POLR2H: variants seen among roughly 807,000 people sequenced by gnomAD.
POLR2H encodes the protein RNA polymerase II, I and III subunit H, also known as DNA-directed RNA polymerases I, II, and III subunit RPABC3.
POLR2H carries 3 observed loss-of-function variants against 18.1 expected under a neutral mutation model. The ratio of observed to expected loss-of-function variants is 0.17; its 90% CI spans 0.08 to 0.43. The LOEUF (loss-of-function observed/expected upper bound fraction) is 0.43. POLR2H is among the 20% of genes least tolerant of loss of function. The pLI is 0.99. For missense variants in POLR2H, 103 were observed against 184.6 expected (o/e 0.56, Z 2.56); for synonymous variants, 76 against 69.0 (o/e 1.10, Z -0.50).
intron 4 of POLR2H, among the ~76,000 whole-genome samples, chr3:184,366,298 T>C (rs535077721): frequency 6.0e-4 from 92 of 152,070 alleles, no homozygotes; most frequent in African/African-American, 2.2e-3. Flanking sequence ...GTTTGTAATG[T>C]GCCTGTTGTT....
intron 4 of POLR2H, 174 bp downstream of exon 4, chr3:184,365,400 C>A: frequency 1.6e-6 from 1 of 621,246 alleles, no homozygotes; most frequent in East Asian, 2.7e-5. Flanking sequence ...GTGGCTCACA[C>A]CTGTAACCCA....
At position 184,363,242 on chromosome 3, in the gene POLR2H, G is replaced by C. The variant is rs1712563664; in HGVS notation, c.-251G>C. The C allele has an allele frequency of 5.4e-6, 3 of 560,340 alleles. No homozygotes were observed. The Admixed American group carries it at 8.5e-5, about 16-fold the overall frequency. The allele number at this position is 560,340 out of a possible 1,614,324, so 34.7% of individuals were successfully genotyped here. A position where few individuals can be genotyped will look rare whatever the true frequency, so the allele number is the denominator to read the frequency against. ...CCTGGGCAGAGCCACCTGGACATGA[G>C]ACCCGCCCTCAATGCCGAAGCCTCT... On this transcript the variant is annotated 5_prime_UTR_variant, in exon 2 of 6. Transcript: ENST00000456318.
rs1713705531 is a variant in POLR2H, at chr3:184,368,375, C to T, written c.*81C>T. The T allele has an allele frequency of 8.2e-7, 1 of 1,224,350 alleles. No homozygotes were observed. Among genetic ancestry groups the T allele is most frequent in the Non-Finnish European group, 1.1e-6 (1 of 879,360 alleles). The allele number at this position is 1,224,350 out of a possible 1,614,324, so 75.8% of individuals were successfully genotyped here. A position where few individuals can be genotyped will look rare whatever the true frequency, so the allele number is the denominator to read the frequency against. ...AGCCTGAGTGGCAGCCGCTCTTGCT[C>T]ACCTGTTGAGGAAGGGCTGGCTCAC... On this transcript the variant is annotated 3_prime_UTR_variant, in exon 6 of 6. Transcript: ENST00000456318.
At position 184,363,224 on chromosome 3, in the gene POLR2H, AG is replaced by A; in HGVS notation, c.-268del. 1.9e-6 allele frequency: 1 copy of A among 527,984 alleles called. No homozygotes were observed. The highest frequency in any genetic ancestry group is 3.4e-6 in the Non-Finnish European group (1 of 290,024). The allele number at this position is 527,984 out of a possible 1,614,324, so 32.7% of individuals were successfully genotyped here. ...AGCCTATTGCTTCCCCGCCCTGGGCAGAGCCACCTGGACATGAGACCCGCCC... is the reference window on the plus strand; with the variant it reads ...AGCCTATTGCTTCCCCGCCCTGGGCAAGCCACCTGGACATGAGACCCGCCC... On this transcript the variant is annotated 5_prime_UTR_variant, in exon 2 of 6. Coordinates refer to ENST00000456318, the MANE Select transcript of POLR2H (RefSeq NM_006232.5).
chr3:184,366,941 C>A, intron 5 of POLR2H, 141 bp downstream of exon 5: 1 of 633,452 alleles, frequency 1.6e-6, no homozygotes. Flanking sequence ...GTTCTGGGAG[C>A]AGTTTCCAGT....
In POLR2H at chr3:184,362,342, G is replaced by A. The variant is rs1008509559; in HGVS notation, c.-621+196G>A. 1.3e-5 allele frequency: 2 copies of A among 152,626 alleles called. No individual in the cohort carries two copies. Among genetic ancestry groups the A allele is most frequent in the Middle Eastern group, 3.4e-3 (1 of 296 alleles). 9.5% of individuals were successfully genotyped at this position (152,626 alleles called of 1,614,324 possible). A position where few individuals can be genotyped will look rare whatever the true frequency, so the allele number is the denominator to read the frequency against. ...CGCTGCTTCCATCCCTCCGCTTTGG[G>A]GGAACTGCCTGCTGGTGTTCTGGGT... On this transcript the variant is annotated intron_variant, in intron 1 of 5. Transcript: ENST00000456318. This position sits in a 1 kb window ranked among gnomAD's most constrained non-coding sequence, Gnocchi z 5.9.
chr3:184,362,496 G>A lies in POLR2H; in HGVS notation c.-621+350G>A. ...AACGCACAAGTGTGCGGGAGAGCCA[G>A]CACCAGGAGTAAGGGGCATTTGGGA... On this transcript the variant is annotated intron_variant, in intron 1 of 5. Transcript: ENST00000456318. The surrounding 1 kb of genome is among the most constrained non-coding windows in gnomAD (Gnocchi z 5.9). 6.5e-6 allele frequency: 1 copy of A among 152,766 alleles called. No individual in the cohort carries two copies. Among genetic ancestry groups the A allele is most frequent in the Non-Finnish European group, 1.5e-5 (1 of 68,392 alleles). The allele number at this position is 152,766 out of a possible 1,614,324, so 9.5% of individuals were successfully genotyped here. A position where few individuals can be genotyped will look rare whatever the true frequency, so the allele number is the denominator to read the frequency against.
rs1266935710 is a variant in POLR2H, at chr3:184,362,077, C to G, written c.-690C>G. On this transcript the variant is annotated 5_prime_UTR_variant, in exon 1 of 6. Coordinates refer to ENST00000456318, the MANE Select transcript of POLR2H (RefSeq NM_006232.5). This position sits in a 1 kb window ranked among gnomAD's most constrained non-coding sequence, Gnocchi z 5.9. ...CCTCTGCCCCGTCAGGGGTGAAAAG[C>G]AAAGCTGGAAGGATTCGGAGAGGGT... The G allele has an allele frequency of 6.6e-6, 1 of 152,282 alleles. No homozygotes were observed. The highest frequency in any genetic ancestry group is 1.5e-5 in the Non-Finnish European group (1 of 68,118). 9.4% of individuals were successfully genotyped at this position (152,282 alleles called of 1,614,324 possible). A position where few individuals can be genotyped will look rare whatever the true frequency, so the allele number is the denominator to read the frequency against.
In POLR2H at chr3:184,362,156, C is replaced by T. The variant is rs777974554; in HGVS notation, c.-621+10C>T. ...CTCGGGGCTCCCGTGGGTAGGTGCA[C>T]TTGGAGCAACCGGGCCTGCGGGGTG... On this transcript the variant is annotated intron_variant, in intron 1 of 5. Coordinates refer to ENST00000456318, the MANE Select transcript of POLR2H (RefSeq NM_006232.5). The surrounding 1 kb of genome is among the most constrained non-coding windows in gnomAD (Gnocchi z 5.9). 2 of 152,172 alleles carry T rather than the reference C, an allele frequency of 1.3e-5. No individual in the cohort carries two copies. The highest frequency in any genetic ancestry group is 2.9e-5 in the Non-Finnish European group (2 of 68,082). The allele number at this position is 152,172 out of a possible 1,614,324, so 9.4% of individuals were successfully genotyped here.
intron 4 of POLR2H, among the ~76,000 whole-genome samples, chr3:184,365,696 G>A (rs1404163669): frequency 5.3e-5 from 8 of 150,116 alleles, no homozygotes; most frequent in South Asian, 2.1e-4. Context: ...AATTCGGGCC[G>A]GGCGCGGTGG....
At position 184,363,371 on chromosome 3, in the gene POLR2H, GGCC is replaced by G; in HGVS notation, c.-116_-114del. ...TTGTGCGCATGCGCCACTCTCGTCTGGCCGCCGCGCTTTCAGGAGGTGCTTTTG... is the reference window on the plus strand; with the variant it reads ...TTGTGCGCATGCGCCACTCTCGTCTGGCCGCGCTTTCAGGAGGTGCTTTTG... On this transcript the variant is annotated 5_prime_UTR_variant, in exon 2 of 6. Transcript: ENST00000456318. The G allele has an allele frequency of 1.2e-6, 1 of 804,330 alleles. No homozygotes were observed. Among genetic ancestry groups the G allele is most frequent in the African/African-American group, 1.7e-5 (1 of 59,702 alleles). The allele number at this position is 804,330 out of a possible 1,614,324, so 49.8% of individuals were successfully genotyped here.
rs1713721370 is a variant in POLR2H at position 184,368,472 on chromosome 3, G to T, written c.*178G>T. The T allele has an allele frequency of 6.3e-6, 3 of 475,844 alleles. No homozygotes were observed. The highest frequency in any genetic ancestry group is 1.1e-5 in the Non-Finnish European group (3 of 270,140). 29.5% of individuals were successfully genotyped at this position (475,844 alleles called of 1,614,324 possible). On this transcript the variant is annotated 3_prime_UTR_variant, in exon 6 of 6. Coordinates refer to ENST00000456318, the MANE Select transcript of POLR2H (RefSeq NM_006232.5). The stretch of plus-strand genomic sequence containing the variant: ...CTGACTCGCCTGTGAAAGACACAGT[G>T]GGAGAGCTGAAAATGAATCAGAAGC...
intron 3 of POLR2H, 21 bp downstream of exon 3, chr3:184,365,070 A>G (rs377286463): frequency 6.3e-7 from 1 of 1,577,618 alleles, no homozygotes; most frequent in Non-Finnish European, 8.7e-7. Context: ...AATACAGACA[A>G]TAATAAGAGA....
intron 4 of POLR2H, 154 bp downstream of exon 4, chr3:184,365,380 G>A: frequency 1.5e-6 from 1 of 658,856 alleles, no homozygotes; most frequent in East Asian, 2.7e-5. Flanking sequence ...ATTCAAACAG[G>A]CCAGGCACCG....
intron 5 of POLR2H, among the ~76,000 whole-genome samples, chr3:184,367,158 TG>T (rs1713449849): frequency 6.6e-6 from 1 of 151,960 alleles, no homozygotes; most frequent in African/African-American, 2.4e-5. Context: ...TGTGTGTGTG[TG>T]TGTGTGTGTG....
intron 5 of POLR2H, among the ~76,000 whole-genome samples, chr3:184,367,231 C>A (rs1487954483): frequency 1.3e-5 from 2 of 151,028 alleles, no homozygotes; most frequent in East Asian, 3.9e-4. Flanking sequence ...TTTTTCTTTT[C>A]TTTAAAGTCT....
At chr3:184,365,530 GCATGGTGT>G (rs1713085067) in intron 4 of POLR2H, 1 of 370,092 alleles carries the variant, frequency 2.7e-6, no homozygotes. Context: ...AAAAGGCTGG[GCATGGTGT>G]CATGTGCCTG....
intron 4 of POLR2H, 150 bp downstream of exon 4, chr3:184,365,376 A>C (rs1713051226): frequency 3.0e-6 from 2 of 671,292 alleles, no homozygotes; most frequent in South Asian, 3.5e-5. Context: ...AAGAATTCAA[A>C]CAGGCCAGGC....
intron 2 of POLR2H, 113 bp downstream of exon 2, chr3:184,363,678 G>A: frequency 2.8e-6 from 2 of 725,218 alleles, no homozygotes; most frequent in Non-Finnish European, 4.8e-6. Flanking sequence ...AGGTCCTGGT[G>A]TAGGGACCTC....
Sources: allele counts gnomAD v4.1 joint callset (sites outside exome capture counted in the v4.1 genomes callset), GRCh38; gene constraint gnomAD v4.1.1; non-coding constraint Gnocchi (gnomAD v3.1); transcripts MANE v1.5; gene names NCBI Gene and HGNC (gene_info 2026-07-23, HGNC 2026-07-21).